Variants in RAP1GDS1 observed in about 807,000 individuals in gnomAD.
RAP1GDS1 encodes the protein RAP1, GTP-GDP dissociation stimulator 1.
In RAP1GDS1, 35 loss-of-function variants were observed where a neutral mutation model predicts 71.1. The ratio of observed to expected loss-of-function variants is 0.49; its 90% CI spans 0.38 to 0.65. RAP1GDS1 has a LOEUF of 0.65. RAP1GDS1 is among the 30% of genes least tolerant of loss of function. The probability of loss-of-function intolerance (pLI) is 0.00; values close to 1 mark genes in which losing one functional copy is unlikely to be tolerated. For missense variants in RAP1GDS1, 663 were observed against 706.1 expected (o/e 0.94, Z 0.69); for synonymous variants, 229 against 243.1 (o/e 0.94, Z 0.54).
At chr4:98,270,497 C>G (rs967563525) in intron 1 of RAP1GDS1, among the ~76,000 whole-genome samples, 1 of 152,138 alleles carries the variant, frequency 6.6e-6, no homozygotes, top group Non-Finnish European at 1.5e-5. Flanking sequence ...AAACATTTCT[C>G]AAGCTGGCTA....
At chr4:98,406,092 G>A (rs1459052370) in intron 7 of RAP1GDS1, among the ~76,000 whole-genome samples, 1 of 151,812 alleles carries the variant, frequency 6.6e-6, no homozygotes, top group Non-Finnish European at 1.5e-5. Flanking sequence ...AAATGGAAGC[G>A]ACTTATGGAA....
At chr4:98,363,481 A>C (rs1198410482) in intron 4 of RAP1GDS1, among the ~76,000 whole-genome samples, 2 of 122,900 alleles carry the variant, frequency 1.6e-5, no homozygotes, top group African/African-American at 6.5e-5. Flanking sequence ...CCTGTCTCAA[A>C]AAAAAAAAAA....
At chr4:98,354,735 A>G (rs1737705920) in intron 4 of RAP1GDS1, among the ~76,000 whole-genome samples, 1 of 152,116 alleles carries the variant, frequency 6.6e-6, no homozygotes, top group African/African-American at 2.4e-5. Context: ...TTTATTATGA[A>G]TATTTATAAC....
At chr4:98,263,666 C>A (rs1195092857) in intron 1 of RAP1GDS1, among the ~76,000 whole-genome samples, 1 of 152,136 alleles carries the variant, frequency 6.6e-6, no homozygotes, top group Non-Finnish European at 1.5e-5. Context: ...TTTTTGTGTT[C>A]CCCACAGTGC....
rs1722251894 is a variant in RAP1GDS1 at position 98,263,062 on chromosome 4, A to G, written c.4+1493A>G. On this transcript the variant is annotated intron_variant, in intron 1 of 14. Transcript: ENST00000408927. ...TAGATTTTTAAATAGGTATTATATC[A>G]GATTATTGGACAAGCTGTATATTTC... Among the ~76,000 whole-genome samples the G allele has an allele frequency of 2.6e-5, 4 of 152,228 alleles. 1 individual carries two copies. Among genetic ancestry groups the G allele is most frequent in the Non-Finnish European group, 5.9e-5 (4 of 68,034 alleles).
In RAP1GDS1 at chr4:98,392,340, A is replaced by G. The variant is rs920732783; in HGVS notation, c.637+260A>G. ...AAGCTCACATTGTACATTATGTAAC[A>G]GAGTTGAATATTTACACTTGTCTCC... On this transcript the variant is annotated intron_variant, in intron 6 of 14. Transcript: ENST00000408927. 3.9e-4 allele frequency: 106 copies of G among 272,076 alleles called. 1 individual carries two copies. Among genetic ancestry groups the G allele is most frequent in the Non-Finnish European group, 4.0e-4 (59 of 145,856 alleles). 16.9% of individuals were successfully genotyped at this position (272,076 alleles called of 1,614,324 possible).
chr4:98,295,211 G>A (rs944783555), intron 2 of RAP1GDS1, among the ~76,000 whole-genome samples: 8 of 151,982 alleles, frequency 5.3e-5, no homozygotes, highest in African/African-American at 1.9e-4. Flanking sequence ...AGCCCATTGC[G>A]GACTTATTCA....
chr4:98,441,267 C>A, intron 14 of RAP1GDS1: 2 of 873,668 alleles, frequency 2.3e-6, no homozygotes, highest in Non-Finnish European at 2.7e-6. Context: ...TCACTCATCC[C>A]ATATAACAGT....
In RAP1GDS1 at chr4:98,347,774, C is replaced by T. The variant is rs143541485; in HGVS notation, c.235+4513C>T. ...TTTGCCTGTTTCTTTTTAAGTTCAT[C>T]GCCATTGTTCTTTTTAGGAAATCCT... On this transcript the variant is annotated intron_variant, in intron 3 of 14. Transcript: ENST00000408927. 8.6e-4 allele frequency among the ~76,000 whole-genome samples: 131 copies of T among 152,152 alleles called. 1 individual carries two copies. The highest frequency in any genetic ancestry group is 1.6e-3 in the Admixed American group (24 of 15,294).
chr4:98,383,427 A>G (rs1742296849), intron 5 of RAP1GDS1, among the ~76,000 whole-genome samples: 1 of 151,602 alleles, frequency 6.6e-6, no homozygotes, highest in African/African-American at 2.4e-5. Context: ...ATGTGTATAT[A>G]TGATTTCTAC....
chr4:98,403,406 G>GTGA (rs1263636481), intron 6 of RAP1GDS1, among the ~76,000 whole-genome samples: 1 of 152,276 alleles, frequency 6.6e-6, no homozygotes, highest in Non-Finnish European at 1.5e-5. Context: ...TGGAAGTTGA[G>GTGA]TGATAATAAA....
intron 1 of RAP1GDS1, among the ~76,000 whole-genome samples, chr4:98,275,116 A>G (rs1724014757): frequency 6.6e-6 from 1 of 151,358 alleles, no homozygotes; most frequent in African/African-American, 2.4e-5. Flanking sequence ...TCTGATGATA[A>G]CTTCCTTTGT....
In RAP1GDS1 at chr4:98,392,004, A is replaced by G. The variant is rs1362300815; in HGVS notation, c.561A>G (p.Lys187=). 1 of 1,611,358 alleles carries G rather than the reference A, an allele frequency of 6.2e-7. No individual in the cohort carries two copies. Among genetic ancestry groups the G allele is most frequent in the African/African-American group, 1.3e-5 (1 of 74,828 alleles). The change falls in exon 6 of 15, where the codon AAA becomes AAG. Residue 187 remains lysine, a synonymous_variant. Transcript: ENST00000408927. Reference sequence around the variant, plus strand: ...TGGGTGTTATTCCTACCTTAGTGAAATTACTGGGCATCCACTGCCAAAATG... The same window carrying G: ...TGGGTGTTATTCCTACCTTAGTGAAGTTACTGGGCATCCACTGCCAAAATG... ...INMGVIPTLV[K]LLGIHCQNAA...
chr4:98,342,178 A>T (rs946847560), intron 2 of RAP1GDS1, among the ~76,000 whole-genome samples: 2 of 152,198 alleles, frequency 1.3e-5, no homozygotes, highest in African/African-American at 4.8e-5. Context: ...TTCTCAAATT[A>T]TAAAAAATGA....
At chr4:98,414,333 G>GT (rs1031966701) in intron 7 of RAP1GDS1, among the ~76,000 whole-genome samples, 1 of 138,254 alleles carries the variant, frequency 7.2e-6, no homozygotes, top group African/African-American at 3.0e-5. Context: ...TTCTTCTAGG[G>GT]TTTTTATGGT....
intron 12 of RAP1GDS1, among the ~76,000 whole-genome samples, chr4:98,429,431 G>A (rs937357947): frequency 4.6e-5 from 7 of 152,118 alleles, no homozygotes; most frequent in Non-Finnish European, 1.0e-4. Flanking sequence ...TTACTTATAA[G>A]TAGGAGCTAA....
intron 5 of RAP1GDS1, among the ~76,000 whole-genome samples, chr4:98,379,996 T>A (rs1279895244): frequency 1.3e-5 from 2 of 151,810 alleles, no homozygotes; most frequent in African/African-American, 4.8e-5. Flanking sequence ...TTTCGTGTGT[T>A]GTAGAAACAC....
At chr4:98,370,568 C>G (rs969057044) in intron 4 of RAP1GDS1, among the ~76,000 whole-genome samples, 2 of 141,586 alleles carry the variant, frequency 1.4e-5, no homozygotes, top group African/African-American at 5.2e-5. Flanking sequence ...TGCATTAAAG[C>G]TTTTTTTTTT....
chr4:98,425,896 T>C (rs2110202466), intron 12 of RAP1GDS1, among the ~76,000 whole-genome samples: 1 of 152,282 alleles, frequency 6.6e-6, no homozygotes, highest in Middle Eastern at 3.4e-3. Context: ...TTACAGAACA[T>C]TCTACCCAAA....
Sources: gnomAD v4.1 joint callset for allele counts (sites outside exome capture counted in the v4.1 genomes callset) on GRCh38, gnomAD v4.1.1 for gene constraint, MANE v1.5 for transcripts, NCBI Gene and HGNC (gene_info 2026-07-23, HGNC 2026-07-21) for gene names.